BLOC1S5: variants seen among roughly 807,000 people sequenced by gnomAD.
BLOC1S5 encodes biogenesis of lysosomal organelles complex 1 subunit 5, also known as biogenesis of lysosome-related organelles complex 1 subunit 5.
BLOC1S5 carries 27 observed loss-of-function variants against 24.3 expected under a neutral mutation model. The observed-to-expected ratio is 1.11, with a 90% CI of 0.82 to 1.53. BLOC1S5 has a LOEUF of 1.53. Among genes scored for constraint, BLOC1S5 ranks in the 40% most tolerant of loss-of-function variants. The pLI, the probability that BLOC1S5 is intolerant of heterozygous loss-of-function variation, is 0.00. For synonymous variants in BLOC1S5, 84 were observed against 74.5 expected, an observed-to-expected ratio of 1.13 and a Z score of -0.66; for missense variants, 239 against 229.4, an observed-to-expected ratio of 1.04 and a Z score of -0.27.
At chr6:8,059,718 T>C (rs896512810) in intron 2 of BLOC1S5, among the ~76,000 whole-genome samples, 1 of 152,240 alleles carries the variant, frequency 6.6e-6, no homozygotes, top group Non-Finnish European at 1.5e-5. Context: ...GAGCCTGAAG[T>C]TGTGTGCTAC....
intron 2 of BLOC1S5, among the ~76,000 whole-genome samples, chr6:8,053,620 A>T (rs1764208014): frequency 6.6e-6 from 1 of 152,244 alleles, no homozygotes; most frequent in Non-Finnish European, 1.5e-5. Context: ...GGCACCCAAG[A>T]AATTTGTTTA....
At chr6:8,057,126 G>T (rs1323829487) in intron 2 of BLOC1S5, among the ~76,000 whole-genome samples, 1 of 152,150 alleles carries the variant, frequency 6.6e-6, no homozygotes, top group Non-Finnish European at 1.5e-5. Context: ...GGCTGAGGCC[G>T]GAGAATCGCT....
At chr6:8,029,608 G>A (rs922223316) in intron 3 of BLOC1S5, among the ~76,000 whole-genome samples, 1 of 152,178 alleles carries the variant, frequency 6.6e-6, no homozygotes, top group Non-Finnish European at 1.5e-5. Context: ...TCAGCCAAAG[G>A]AGACACCAAA....
chr6:8,052,189 G>A (rs962540620), intron 2 of BLOC1S5, among the ~76,000 whole-genome samples: 39 of 151,818 alleles, frequency 2.6e-4, no homozygotes, highest in African/African-American at 9.2e-4. Context: ...GGATGGTCTC[G>A]ATCTCCTGAC....
chr6:8,026,463 C>T, intron 3 of BLOC1S5, 38 bp from the exon 4 acceptor site: 4 of 1,557,698 alleles, frequency 2.6e-6, no homozygotes, highest in South Asian at 1.1e-5. Context: ...GTCAGCAGAC[C>T]ATGTTCAAGG....
In BLOC1S5 at chr6:8,015,570, TA is replaced by T; in HGVS notation, c.*78del. On this transcript the variant is annotated 3_prime_UTR_variant, in exon 5 of 5. Coordinates refer to ENST00000397457, the MANE Select transcript of BLOC1S5 (RefSeq NM_201280.3). ...ATATTGCTAAGCTTGAAGCAGAGGC[TA>T]AACGGTCTGGTGGGAATAGTTTTCA... is the stretch of plus-strand genomic sequence containing the variant. 2 of 1,417,808 alleles carry T rather than the reference TA, an allele frequency of 1.4e-6. No individual in the cohort carries two copies. The highest frequency in any genetic ancestry group is 1.9e-6 in the Non-Finnish European group (2 of 1,038,528). 87.8% of individuals were successfully genotyped at this position (1,417,808 alleles called of 1,614,324 possible). A position where few individuals can be genotyped will look rare whatever the true frequency, so the allele number is the denominator to read the frequency against.
At chr6:8,037,188 G>C (rs1482597876) in intron 3 of BLOC1S5, among the ~76,000 whole-genome samples, 1 of 152,166 alleles carries the variant, frequency 6.6e-6, no homozygotes, top group Non-Finnish European at 1.5e-5. Context: ...AGTCAAATTA[G>C]CTTTGTTTGC....
Position 8,064,263 on chromosome 6 carries a change from A to T in BLOC1S5, c.112+2T>A, listed in dbSNP as rs1757369867. 6.2e-7 allele frequency: 1 copy of T among 1,612,146 alleles called. No individual in the cohort carries two copies. On this transcript the variant is annotated splice_donor_variant, in intron 1 of 4. Transcript: ENST00000397457. LOFTEE classifies it high-confidence loss of function. The stretch of plus-strand genomic sequence containing the variant: ...AGGAACTATAGCCCTGACACTCCGT[A>T]CCCTTGATAATGAGGTGCGCTGAGC...
intron 4 of BLOC1S5, among the ~76,000 whole-genome samples, chr6:8,016,676 G>C (rs534072368): frequency 4.0e-5 from 6 of 151,892 alleles, no homozygotes; most frequent in Non-Finnish European, 8.8e-5. Flanking sequence ...AGTCCAGTCT[G>C]GCCAACATGG....
In BLOC1S5 at chr6:8,014,164, A is replaced by C. The variant is rs1224065244; in HGVS notation, c.*1485T>G. On this transcript the variant is annotated 3_prime_UTR_variant, in exon 5 of 5. Transcript: ENST00000397457. ...TTTCTTTACTAAAGAGCAATAAAAA[A>C]TATGTGAAAGATTTATCCATACCTC... 1 of 152,236 alleles carries C rather than the reference A, an allele frequency of 6.6e-6. No homozygotes were observed. Among genetic ancestry groups the C allele is most frequent in the African/African-American group, 2.4e-5 (1 of 41,468 alleles). 9.4% of individuals were successfully genotyped at this position (152,236 alleles called of 1,614,324 possible).
chr6:8,023,871 G>GT lies in BLOC1S5; in HGVS notation c.384+2495dup, dbSNP rs138339182. Among the ~76,000 whole-genome samples the GT allele has an allele frequency of 9.7e-3, 1,474 of 152,082 alleles. 27 individuals are homozygous for GT. Among genetic ancestry groups the GT allele is most frequent in the African/African-American group, 0.034 (1,403 of 41,466 alleles). On this transcript the variant is annotated intron_variant, in intron 4 of 4. Coordinates refer to ENST00000397457, the MANE Select transcript of BLOC1S5 (RefSeq NM_201280.3). ...ATATGTGCACATGTGTATGTGTGGGGTTTGAAACCTCTGCCATGTCACAGA... is the reference window on the plus strand; with the variant it reads ...ATATGTGCACATGTGTATGTGTGGGGTTTTGAAACCTCTGCCATGTCACAGA...
chr6:8,017,327 G>A (rs900593908), intron 4 of BLOC1S5, among the ~76,000 whole-genome samples: 33 of 152,114 alleles, frequency 2.2e-4, no homozygotes, highest in Admixed American at 8.5e-4. Flanking sequence ...GCAGTGAGCC[G>A]AGACTGCACC....
At chr6:8,033,726 C>T (rs144073640) in intron 3 of BLOC1S5, among the ~76,000 whole-genome samples, 1,993 of 152,104 alleles carry the variant, frequency 0.013, 28 homozygotes, top group African/African-American at 0.034. Flanking sequence ...TGCAATCTAC[C>T]CATCTGACAA....
intron 3 of BLOC1S5, among the ~76,000 whole-genome samples, chr6:8,034,940 T>A (rs555259499): frequency 6.6e-6 from 1 of 151,584 alleles, no homozygotes; most frequent in East Asian, 1.9e-4. Flanking sequence ...TATATACATA[T>A]ATATACACAT....
intron 2 of BLOC1S5, among the ~76,000 whole-genome samples, chr6:8,048,105 T>A (rs1346581336): frequency 6.6e-6 from 1 of 152,262 alleles, no homozygotes; most frequent in Non-Finnish European, 1.5e-5. Flanking sequence ...CATTGCAGTA[T>A]TTCTCATAGG....
chr6:8,041,771 C>G (rs567481345), intron 2 of BLOC1S5: 2 of 151,248 alleles, frequency 1.3e-5, no homozygotes, highest in African/African-American at 4.9e-5. Context: ...CTCAGCCTGC[C>G]GAGTAGCTGG....
At chr6:8,045,367 A>C (rs150399958) in intron 2 of BLOC1S5, among the ~76,000 whole-genome samples, 1 of 152,208 alleles carries the variant, frequency 6.6e-6, no homozygotes, top group African/African-American at 2.4e-5. Context: ...TTGCTGCAGG[A>C]GTGGGGCCCT....
Position 8,018,620 on chromosome 6 carries a change from G to A in BLOC1S5, c.385-2792C>T, listed in dbSNP as rs12663141. 3.4e-3 allele frequency among the ~76,000 whole-genome samples: 518 copies of A among 152,248 alleles called. 3 individuals carry two copies. Among genetic ancestry groups the A allele is most frequent in the East Asian group, 0.033 (169 of 5,184 alleles). Reference sequence around the variant, plus strand: ...CCTGTCACTAGTTGCATGATGCTGAGCAACTTAAAGTTTCTTTAACTTTAA... The same window carrying A: ...CCTGTCACTAGTTGCATGATGCTGAACAACTTAAAGTTTCTTTAACTTTAA... On this transcript the variant is annotated intron_variant, in intron 4 of 4. Coordinates refer to ENST00000397457, the MANE Select transcript of BLOC1S5 (RefSeq NM_201280.3).
chr6:8,022,568 A>ATTTTTTTT (rs35289860), intron 4 of BLOC1S5, among the ~76,000 whole-genome samples: 4 of 124,014 alleles, frequency 3.2e-5, no homozygotes, highest in East Asian at 3.0e-4. Context: ...TTCAAACTCT[A>ATTTTTTTT]TTTTTTTTTT....
Sources: gnomAD v4.1 joint callset for allele counts (sites outside exome capture counted in the v4.1 genomes callset) on GRCh38, gnomAD v4.1.1 for gene constraint, MANE v1.5 for transcripts, NCBI Gene and HGNC (gene_info 2026-07-23, HGNC 2026-07-21) for gene names.